The following CTNND2 variants were observed in gnomAD, a reference collection of about 807,000 sequenced individuals.
The protein encoded by CTNND2 is catenin delta-2.
CTNND2 carries 22 observed loss-of-function variants against 144.4 expected under a neutral mutation model. That is an observed-to-expected ratio of 0.15 (90% CI 0.11 to 0.22). The LOEUF is 0.22. CTNND2 is among the 10% of genes least tolerant of loss of function. The pLI is 1.00. For missense variants in CTNND2, 1,353 were observed against 1,618.8 expected (o/e 0.84, Z 2.82); for synonymous variants, 751 against 695.6 (o/e 1.08, Z -1.25).
At chr5:11,025,738 A>G (rs930996689) in intron 16 of CTNND2, among the ~76,000 whole-genome samples, 7 of 152,106 alleles carry the variant, frequency 4.6e-5, no homozygotes, top group African/African-American at 1.7e-4. Context: ...AAGCACTACA[A>G]CTCAAGGTAG....
intron 12 of CTNND2, among the ~76,000 whole-genome samples, chr5:11,146,107 CA>C (rs1166951874): frequency 1.5e-4 from 22 of 151,562 alleles, no homozygotes; most frequent in African/African-American, 5.3e-4. Flanking sequence ...CCCCATGATG[CA>C]CCACAGTTCA....
intron 12 of CTNND2, among the ~76,000 whole-genome samples, chr5:11,139,391 T>A (rs1561370049): frequency 6.6e-6 from 1 of 152,184 alleles, no homozygotes; most frequent in Non-Finnish European, 1.5e-5. Flanking sequence ...GTGGCTGGAT[T>A]TCATTTCACA....
chr5:11,883,006 A>C lies in CTNND2; in HGVS notation c.37+20811T>G, dbSNP rs181624009. 2.9e-4 allele frequency among the ~76,000 whole-genome samples: 44 copies of C among 152,166 alleles called. No homozygotes were observed. The East Asian group carries it at 6.2e-3, about 21-fold the overall frequency. On this transcript the variant is annotated intron_variant, in intron 1 of 21. Transcript: ENST00000304623. Reference sequence around the variant, plus strand: ...TCTTTCATCAATATTTTATAGTTTTAATTGCTGAACTATTTCACCTGCTTT... The same window carrying C: ...TCTTTCATCAATATTTTATAGTTTTCATTGCTGAACTATTTCACCTGCTTT...
chr5:11,394,536 C>T (rs1404174597), intron 6 of CTNND2, among the ~76,000 whole-genome samples: 1 of 152,118 alleles, frequency 6.6e-6, no homozygotes, highest in African/African-American at 2.4e-5. Context: ...TCTAGAATGG[C>T]CTTGGGGTCT....
At chr5:11,714,006 G>A (rs1294346872) in intron 2 of CTNND2, among the ~76,000 whole-genome samples, 5 of 152,088 alleles carry the variant, frequency 3.3e-5, no homozygotes, top group African/African-American at 1.2e-4. Flanking sequence ...TCGACAACAA[G>A]TTCAATATTA....
chr5:11,581,366 T>A (rs1264076928), intron 2 of CTNND2, among the ~76,000 whole-genome samples: 1 of 152,242 alleles, frequency 6.6e-6, no homozygotes, highest in Non-Finnish European at 1.5e-5. Context: ...TATAGCTTGC[T>A]ATGAAGATAT....
At chr5:11,693,103 G>A (rs1784984703) in intron 2 of CTNND2, among the ~76,000 whole-genome samples, 1 of 152,134 alleles carries the variant, frequency 6.6e-6, no homozygotes, top group Non-Finnish European at 1.5e-5. Context: ...TTACTCCAAT[G>A]TCAAACTTTG....
chr5:11,803,371 G>A (rs571029683), intron 1 of CTNND2, among the ~76,000 whole-genome samples: 3 of 152,084 alleles, frequency 2.0e-5, no homozygotes, highest in Admixed American at 6.6e-5. Flanking sequence ...GGGTCACTGA[G>A]AAATTTAACT....
At chr5:11,643,380 C>T (rs1782169217) in intron 2 of CTNND2, among the ~76,000 whole-genome samples, 1 of 103,312 alleles carries the variant, frequency 9.7e-6, no homozygotes. Flanking sequence ...TGCTATCCCT[C>T]CCCCCTCCCC....
chr5:11,010,850 C>T (rs1741002855), intron 18 of CTNND2, among the ~76,000 whole-genome samples: 2 of 152,234 alleles, frequency 1.3e-5, no homozygotes, highest in South Asian at 4.1e-4. Flanking sequence ...GCTGTGCAAC[C>T]CAAGAGTCTA....
chr5:11,398,011 C>T lies in CTNND2; in HGVS notation c.440-808G>A, dbSNP rs182854217. On this transcript the variant is annotated intron_variant, in intron 5 of 21. Transcript: ENST00000304623. ...TTTCTTTGATCAAATTTAATACTCT[C>T]TTTAGGGATCAAATAAATATGGAGG... Among the ~76,000 whole-genome samples the T allele has an allele frequency of 2.9e-3, 440 of 152,218 alleles. 2 individuals carry two copies. Among genetic ancestry groups the T allele is most frequent in the Non-Finnish European group, 3.4e-3 (234 of 67,996 alleles).
intron 1 of CTNND2, among the ~76,000 whole-genome samples, chr5:11,756,806 T>C (rs1182237352): frequency 1.3e-5 from 2 of 151,566 alleles, no homozygotes; most frequent in East Asian, 1.9e-4. Context: ...TCCCATTGTA[T>C]TGATGTAACA....
intron 11 of CTNND2, among the ~76,000 whole-genome samples, chr5:11,168,294 T>C (rs766013443): frequency 3.9e-5 from 6 of 152,204 alleles, no homozygotes; most frequent in Non-Finnish European, 8.8e-5. Flanking sequence ...ACTGGATGCC[T>C]ATCTGCAACT....
At chr5:11,429,802 C>A (rs1181318256) in intron 3 of CTNND2, among the ~76,000 whole-genome samples, 1 of 152,028 alleles carries the variant, frequency 6.6e-6, no homozygotes, top group Admixed American at 6.6e-5. Flanking sequence ...TTCTCGCACC[C>A]CTCAAAGCAC....
At chr5:11,732,769 C>T (rs1581792555) in intron 1 of CTNND2, among the ~76,000 whole-genome samples, 1 of 152,084 alleles carries the variant, frequency 6.6e-6, no homozygotes, top group African/African-American at 2.4e-5. Context: ...GTCTCAGGAG[C>T]AGGCCTCAGA....
At chr5:11,120,620 G>C (rs4493641) in intron 12 of CTNND2, among the ~76,000 whole-genome samples, 607 of 10,864 alleles carry the variant, frequency 0.056, no homozygotes, top group Admixed American at 0.16. Context: ...TGTCTGCAGG[G>C]GTGATGAGGC....
rs1359937875 is a variant in CTNND2 at position 11,553,764 on chromosome 5, TCTA to T, written c.287+11177_287+11179del. On this transcript the variant is annotated intron_variant, in intron 3 of 21. Coordinates refer to ENST00000304623, the MANE Select transcript of CTNND2 (RefSeq NM_001332.4). ...ATAAATTCATAAAGATTTCCAGTTC[TCTA>T]CTGATTAGAATATTAAATTTCAAAA... is the stretch of plus-strand genomic sequence containing the variant. Among the ~76,000 whole-genome samples the T allele has an allele frequency of 4.6e-5, 7 of 152,284 alleles. No homozygotes were observed. The South Asian group carries it at 1.4e-3, about 32-fold the overall frequency.
chr5:11,077,019 AC>A (rs1443563406), intron 16 of CTNND2, among the ~76,000 whole-genome samples: 3 of 151,550 alleles, frequency 2.0e-5, no homozygotes, highest in African/African-American at 4.9e-5. Context: ...TTAATAGAAA[AC>A]CCCCCTTTTT....
At chr5:11,578,911 C>T (rs1449635653) in intron 2 of CTNND2, among the ~76,000 whole-genome samples, 2 of 152,208 alleles carry the variant, frequency 1.3e-5, no homozygotes, top group Non-Finnish European at 2.9e-5. Context: ...TTCCCTGCTG[C>T]TTAGGAAGTA....
Sources: allele counts gnomAD v4.1 joint callset (sites outside exome capture counted in the v4.1 genomes callset), GRCh38; gene constraint gnomAD v4.1.1; transcripts MANE v1.5; gene names NCBI Gene and HGNC (gene_info 2026-07-23, HGNC 2026-07-21).